PTPRD: variants seen among roughly 807,000 people sequenced by gnomAD.
PTPRD encodes protein tyrosine phosphatase receptor type D.
PTPRD carries 34 observed loss-of-function variants against 214.5 expected under a neutral mutation model. The ratio of observed to expected loss-of-function variants is 0.16; its 90% CI spans 0.12 to 0.21. PTPRD has a LOEUF of 0.21. Ranked by LOEUF, PTPRD falls within the 10% of genes least tolerant of loss-of-function variation. The pLI is 1.00. For synonymous variants in PTPRD, 1,128 were observed against 845.7 expected (o/e 1.33, Z -5.79); for missense variants, 2,545 against 2,398.7 (o/e 1.06, Z -1.27).
chr9:10,607,975 A>G (rs1567188382), intron 2 of PTPRD, among the ~76,000 whole-genome samples: 1 of 151,990 alleles, frequency 6.6e-6, no homozygotes, highest in Non-Finnish European at 1.5e-5. Flanking sequence ...GGTACTGAAC[A>G]AGGATGGAAA....
rs185038180 is a variant in PTPRD at position 8,564,246 on chromosome 9, A to G, written c.353-35467T>C. On this transcript the variant is annotated intron_variant, in intron 14 of 45. Coordinates refer to ENST00000381196, the MANE Select transcript of PTPRD (RefSeq NM_002839.4). The stretch of plus-strand genomic sequence containing the variant: ...TGTTTAAAATTGGGTAGGCTAAGCT[A>G]TGATGTTCAGTGGGTTTGACATATT... Among the ~76,000 whole-genome samples, 53 of 152,278 alleles carry G rather than the reference A, an allele frequency of 3.5e-4. No homozygotes were observed. The East Asian group carries it at 6.8e-3, about 19-fold the overall frequency.
At chr9:8,787,339 GATT>G (rs1196850752) in intron 11 of PTPRD, among the ~76,000 whole-genome samples, 1 of 152,080 alleles carries the variant, frequency 6.6e-6, no homozygotes, top group Non-Finnish European at 1.5e-5. Flanking sequence ...CTGCTTTGAG[GATT>G]ATTATTTCTC....
intron 9 of PTPRD, among the ~76,000 whole-genome samples, chr9:9,237,643 T>C (rs900022205): frequency 6.6e-6 from 1 of 152,158 alleles, no homozygotes; most frequent in Admixed American, 6.6e-5. Context: ...ATAATTTTTT[T>C]TTAAGAGCTC....
At chr9:9,055,433 A>T (rs1202960683) in intron 10 of PTPRD, among the ~76,000 whole-genome samples, 1 of 152,174 alleles carries the variant, frequency 6.6e-6, no homozygotes, top group African/African-American at 2.4e-5. Flanking sequence ...CCAGTTAAAA[A>T]TATATACGTA....
chr9:9,044,029 T>C (rs2099659115), intron 10 of PTPRD, among the ~76,000 whole-genome samples: 1 of 152,152 alleles, frequency 6.6e-6, no homozygotes, highest in African/African-American at 2.4e-5. Context: ...GCATTCAATT[T>C]AAATAAGAGC....
intron 7 of PTPRD, among the ~76,000 whole-genome samples, chr9:9,655,965 G>A (rs1307809727): frequency 1.3e-5 from 2 of 152,122 alleles, no homozygotes; most frequent in African/African-American, 4.8e-5. Context: ...GCAACACAGT[G>A]AGACTCCATC....
intron 8 of PTPRD, among the ~76,000 whole-genome samples, chr9:9,445,823 G>A (rs2090201527): frequency 6.6e-6 from 1 of 152,100 alleles, no homozygotes; most frequent in Non-Finnish European, 1.5e-5. Context: ...ATTACTTGAG[G>A]TCTTTATAGA....
At chr9:9,213,389 C>T (rs1056755796) in intron 9 of PTPRD, among the ~76,000 whole-genome samples, 4 of 152,146 alleles carry the variant, frequency 2.6e-5, no homozygotes, top group Non-Finnish European at 5.9e-5. Flanking sequence ...CACAGTGTTA[C>T]TCTGTTATTC....
Position 8,375,987 on chromosome 9 carries a change from C to A in PTPRD, c.4610G>T (p.Arg1537Ile), listed in dbSNP as rs773293867. 1 of 1,612,864 alleles carries A rather than the reference C, an allele frequency of 6.2e-7. No individual in the cohort carries two copies. The highest frequency in any genetic ancestry group is 1.3e-5 in the African/African-American group (1 of 74,916). ...ATCGGGAGGGTTACAGGTTTTGACT[C>A]TACGTAAGAAAGCTAGAAAAGGTGT... ...HPTPFLAFLR[R>I]VKTCNPPDAG... Residue 1537 changes from arginine (R) to isoleucine (I), a missense_variant, in exon 39 of 46, where the codon AGA (arginine) becomes ATA (isoleucine). By Grantham distance (97) the Arg-to-Ile change is moderately conservative (BLOSUM62 -3). Coordinates refer to ENST00000381196, the MANE Select transcript of PTPRD (RefSeq NM_002839.4).
chr9:8,477,186 T>A (rs2096782703), intron 30 of PTPRD, among the ~76,000 whole-genome samples: 1 of 152,122 alleles, frequency 6.6e-6, no homozygotes, highest in African/African-American at 2.4e-5. Context: ...AACTCAATAT[T>A]CTGCTTTGCC....
rs545999995 is a variant in PTPRD, at chr9:8,572,532, G to C, written c.353-43753C>G. Reference sequence around the variant, plus strand: ...GTATTATAAAACTATTTTTAAAATAGTAATAGAAAGCTGAAATGAAGAGTA... The same window carrying C: ...GTATTATAAAACTATTTTTAAAATACTAATAGAAAGCTGAAATGAAGAGTA... On this transcript the variant is annotated intron_variant, in intron 14 of 45. Transcript: ENST00000381196. 5.3e-5 allele frequency among the ~76,000 whole-genome samples: 8 copies of C among 152,102 alleles called. No homozygotes were observed. The South Asian group carries it at 1.7e-3, about 32-fold the overall frequency.
intron 2 of PTPRD, among the ~76,000 whole-genome samples, chr9:10,354,339 T>C (rs2097234034): frequency 6.6e-6 from 1 of 152,180 alleles, no homozygotes; most frequent in African/African-American, 2.4e-5. Context: ...TTGATAGACA[T>C]TTCAGCAAAA....
chr9:8,795,438 G>A (rs1250064134), intron 11 of PTPRD, among the ~76,000 whole-genome samples: 1 of 152,098 alleles, frequency 6.6e-6, no homozygotes, highest in Admixed American at 6.6e-5. Context: ...AAAGTGGTGG[G>A]ATTACAGGTG....
chr9:9,784,421 T>G (rs896074896), intron 5 of PTPRD, among the ~76,000 whole-genome samples: 2 of 152,054 alleles, frequency 1.3e-5, no homozygotes, highest in African/African-American at 4.8e-5. Flanking sequence ...GCATCCACAA[T>G]TATACTGAAG....
intron 7 of PTPRD, among the ~76,000 whole-genome samples, chr9:9,686,286 T>C (rs2097165980): frequency 7.3e-6 from 1 of 136,254 alleles, no homozygotes; most frequent in African/African-American, 2.6e-5. Flanking sequence ...TTGAGATGTA[T>C]GTATGAATTA....
intron 11 of PTPRD, among the ~76,000 whole-genome samples, chr9:8,936,388 C>T (rs1355407736): frequency 3.2e-5 from 4 of 125,112 alleles, no homozygotes; most frequent in Non-Finnish European, 3.1e-5. Context: ...GATTGCACCA[C>T]TGCACTCCAG....
intron 2 of PTPRD, among the ~76,000 whole-genome samples, chr9:10,600,878 A>C (rs1206207446): frequency 6.6e-6 from 1 of 151,838 alleles, no homozygotes; most frequent in African/African-American, 2.4e-5. Flanking sequence ...AAATGCATAT[A>C]ATATTACAAA....
Position 10,588,554 on chromosome 9 carries a change from T to C in PTPRD, c.-600+23844A>G, listed in dbSNP as rs191701710. ...GGAATCAGAACTCATACTATTGATA[T>C]TAGAAGATCAACACAGTTATATTTG... On this transcript the variant is annotated intron_variant, in intron 2 of 45. Coordinates refer to ENST00000381196, the MANE Select transcript of PTPRD (RefSeq NM_002839.4). 1.4e-3 allele frequency among the ~76,000 whole-genome samples: 208 copies of C among 151,936 alleles called. 1 individual carries two copies. Among genetic ancestry groups the C allele is most frequent in the Non-Finnish European group, 2.5e-3 (170 of 67,892 alleles).
intron 3 of PTPRD, among the ~76,000 whole-genome samples, chr9:10,199,751 G>A (rs1042210433): frequency 6.6e-6 from 1 of 151,858 alleles, no homozygotes; most frequent in Non-Finnish European, 1.5e-5. Context: ...TGATTCCAAA[G>A]CCCGGATCCA....
Sources: allele counts gnomAD v4.1 joint callset (sites outside exome capture counted in the v4.1 genomes callset), GRCh38; gene constraint gnomAD v4.1.1; transcripts MANE v1.5; gene names NCBI Gene and HGNC (gene_info 2026-07-23, HGNC 2026-07-21).